Variants in SLC26A7 observed in about 807,000 individuals in gnomAD.
The protein encoded by SLC26A7 is solute carrier family 26 member 7, also known as anion exchange transporter.
In SLC26A7, 59 loss-of-function variants were observed where a neutral mutation model predicts 82.5. That is an observed-to-expected ratio of 0.72 (90% CI 0.58 to 0.89). The LOEUF (loss-of-function observed/expected upper bound fraction) is 0.89. Among genes scored for constraint, SLC26A7 ranks in the 40% least tolerant of loss-of-function variants. The pLI is 0.00. For synonymous variants in SLC26A7, 271 were observed against 274.3 expected, an observed-to-expected ratio of 0.99 and a Z score of 0.12; for missense variants, 820 against 793.0, an observed-to-expected ratio of 1.03 and a Z score of -0.41.
intron 15 of SLC26A7, among the ~76,000 whole-genome samples, chr8:91,373,613 G>A (rs1228304728): frequency 6.6e-6 from 1 of 151,964 alleles, no homozygotes; most frequent in Non-Finnish European, 1.5e-5. Flanking sequence ...ATGTGCTGCT[G>A]CATTCACTTT....
chr8:91,223,039 G>A (rs1365617608), intron 2 of SLC26A7, among the ~76,000 whole-genome samples: 9 of 151,990 alleles, frequency 5.9e-5, no homozygotes, highest in African/African-American at 1.4e-4. Flanking sequence ...TCAGGGATTC[G>A]ACTTCTTTCT....
At chr8:91,362,727 C>T (rs1814083691) in intron 12 of SLC26A7, among the ~76,000 whole-genome samples, 1 of 151,766 alleles carries the variant, frequency 6.6e-6, no homozygotes, top group Non-Finnish European at 1.5e-5. Flanking sequence ...TAAATAAACC[C>T]CTTGGCCTTA....
intron 2 of SLC26A7, among the ~76,000 whole-genome samples, chr8:91,263,248 A>G (rs1811016012): frequency 6.6e-6 from 1 of 152,102 alleles, no homozygotes; most frequent in Non-Finnish European, 1.5e-5. Context: ...TCAGGCAGAT[A>G]TGGATGATAT....
At chr8:91,394,299 G>T (rs755015438) in intron 18 of SLC26A7, 1 of 1,612,378 alleles carries the variant, frequency 6.2e-7, no homozygotes, top group Non-Finnish European at 8.5e-7. Flanking sequence ...CCTATCATTT[G>T]CAAACTGCTT....
chr8:91,231,020 A>G (rs1161805838), intron 2 of SLC26A7, among the ~76,000 whole-genome samples: 2 of 152,066 alleles, frequency 1.3e-5, no homozygotes, highest in Non-Finnish European at 2.9e-5. Flanking sequence ...GGAGACATGA[A>G]TAGCTGGAAA....
intron 2 of SLC26A7, among the ~76,000 whole-genome samples, chr8:91,272,954 G>A (rs1437779298): frequency 6.6e-6 from 1 of 152,180 alleles, no homozygotes; most frequent in African/African-American, 2.4e-5. Flanking sequence ...AATAGTGGCA[G>A]TAGGAATAGA....
At chr8:91,287,053 T>C (rs1162383607) in intron 2 of SLC26A7, among the ~76,000 whole-genome samples, 2 of 152,160 alleles carry the variant, frequency 1.3e-5, no homozygotes, top group African/African-American at 4.8e-5. Context: ...TGGGTTTCCA[T>C]TGAGGGCGAA....
intron 3 of SLC26A7, among the ~76,000 whole-genome samples, chr8:91,293,765 T>C (rs1009481764): frequency 5.9e-5 from 9 of 152,214 alleles, no homozygotes; most frequent in Middle Eastern, 3.2e-3. Flanking sequence ...ATTTGTTCAG[T>C]GGCTTTTGTA....
chr8:91,354,696 A>G (rs1813812726), intron 11 of SLC26A7, among the ~76,000 whole-genome samples: 1 of 152,154 alleles, frequency 6.6e-6, no homozygotes, highest in Admixed American at 6.6e-5. Flanking sequence ...GGCTGAGACC[A>G]TGAAGTACAA....
At chr8:91,346,648 G>T (rs977992516) in intron 9 of SLC26A7, among the ~76,000 whole-genome samples, 3 of 152,114 alleles carry the variant, frequency 2.0e-5, no homozygotes, top group Admixed American at 2.0e-4. Flanking sequence ...TATTTCTGTG[G>T]AAAGTTATCT....
intron 4 of SLC26A7, among the ~76,000 whole-genome samples, chr8:91,310,673 A>G (rs768039960): frequency 6.6e-6 from 1 of 152,204 alleles, no homozygotes; most frequent in Non-Finnish European, 1.5e-5. Flanking sequence ...GGAAAATTCA[A>G]CTGGGAAGGG....
chr8:91,241,173 AT>A (rs1810468991), intron 2 of SLC26A7, among the ~76,000 whole-genome samples: 1 of 152,162 alleles, frequency 6.6e-6, no homozygotes, highest in African/African-American at 2.4e-5. Flanking sequence ...ACTATGGTAC[AT>A]TTTTGTGAAG....
rs568990738 is a variant in SLC26A7 at position 91,292,136 on chromosome 8, T to G, written c.304+2890T>G. Among the ~76,000 whole-genome samples, 46 of 152,160 alleles carry G rather than the reference T, an allele frequency of 3.0e-4. No homozygotes were observed. The South Asian group carries it at 9.4e-3, about 31-fold the overall frequency. On this transcript the variant is annotated intron_variant, in intron 3 of 18. Coordinates refer to ENST00000276609, the MANE Select transcript of SLC26A7 (RefSeq NM_052832.4). ...CTGGCTAACACGGTGAAACCCTGTC[T>G]GTACTAAAAATACAAAAAATTAGCT...
chr8:91,360,918 C>A (rs1396324591), intron 11 of SLC26A7, among the ~76,000 whole-genome samples: 1 of 151,910 alleles, frequency 6.6e-6, no homozygotes, highest in Non-Finnish European at 1.5e-5. Flanking sequence ...GCATAATACA[C>A]CAGGAAGAAA....
At chr8:91,300,472 A>ACTGCAAGCTCCGCCTCC (rs1812133936) in intron 4 of SLC26A7, among the ~76,000 whole-genome samples, 1 of 150,010 alleles carries the variant, frequency 6.7e-6, no homozygotes, top group African/African-American at 2.5e-5. Flanking sequence ...ATCTCGGCTC[A>ACTGCAAGCTCCGCCTCC]CTGCAAGCTC....
chr8:91,372,414 A>T (rs1224667976), intron 15 of SLC26A7, among the ~76,000 whole-genome samples: 20 of 151,818 alleles, frequency 1.3e-4, no homozygotes, highest in Non-Finnish European at 1.5e-5. Context: ...TTTGTATATG[A>T]TGGAAGTAAG....
chr8:91,349,601 T>G (rs1331457810), intron 9 of SLC26A7, among the ~76,000 whole-genome samples: 1 of 152,182 alleles, frequency 6.6e-6, no homozygotes, highest in Non-Finnish European at 1.5e-5. Flanking sequence ...ACATATTTTA[T>G]ATTACCTTCG....
intron 2 of SLC26A7, among the ~76,000 whole-genome samples, chr8:91,239,523 T>C (rs546572787): frequency 1.3e-5 from 2 of 151,176 alleles, no homozygotes; most frequent in Admixed American, 1.3e-4. Flanking sequence ...TATGAGAAAA[T>C]ATTTCTGCTA....
chr8:91,210,890 A>G (rs1474156435), intron 1 of SLC26A7, among the ~76,000 whole-genome samples: 1 of 152,142 alleles, frequency 6.6e-6, no homozygotes, highest in Non-Finnish European at 1.5e-5. Flanking sequence ...TTGAAAAAGC[A>G]CATTGAGTTC....
Sources: allele counts gnomAD v4.1 joint callset (sites outside exome capture counted in the v4.1 genomes callset), GRCh38; gene constraint gnomAD v4.1.1; transcripts MANE v1.5; gene names NCBI Gene and HGNC (gene_info 2026-07-23, HGNC 2026-07-21).